Variants in MCM9 observed in about 807,000 individuals in gnomAD.
MCM9 encodes the protein minichromosome maintenance 9 homologous recombination repair factor, also known as DNA helicase MCM9.
A neutral mutation model predicts 72.8 loss-of-function variants in MCM9; 55 were observed. That is an observed-to-expected ratio of 0.76 (90% CI 0.61 to 0.95). MCM9 has a LOEUF of 0.95. MCM9 is among the 40% of genes least tolerant of loss of function. The pLI, the probability that MCM9 is intolerant of heterozygous loss-of-function variation, is 0.00. For synonymous variants in MCM9, 480 were observed against 503.4 expected, an observed-to-expected ratio of 0.95 and a Z score of 0.62; for missense variants, 1,279 against 1,377.0, an observed-to-expected ratio of 0.93 and a Z score of 1.13.
At chr6:118,858,796 T>C (rs558477503) in intron 8 of MCM9, among the ~76,000 whole-genome samples, 54 of 152,274 alleles carry the variant, frequency 3.5e-4, no homozygotes, top group African/African-American at 1.3e-3. Flanking sequence ...ATAAACTCTA[T>C]ATTCAAGATG....
At chr6:118,864,522 G>A (rs1777096591) in intron 8 of MCM9, among the ~76,000 whole-genome samples, 1 of 151,918 alleles carries the variant, frequency 6.6e-6, no homozygotes. Flanking sequence ...CCGAGAGAAA[G>A]TCAGGGACCA....
At chr6:118,911,049 A>T (rs973047130) in intron 8 of MCM9, 5 of 983,534 alleles carry the variant, frequency 5.1e-6, no homozygotes, top group African/African-American at 3.5e-5. Flanking sequence ...CATATTTTTT[A>T]AAATAATTTT....
In MCM9 at chr6:118,928,694, A is replaced by AG. The variant is rs1288762332; in HGVS notation, c.304+2725_304+2726insC. Among the ~76,000 whole-genome samples, 3 of 151,356 alleles carry AG rather than the reference A, an allele frequency of 2.0e-5. No homozygotes were observed. The East Asian group carries it at 5.9e-4, about 30-fold the overall frequency. On this transcript the variant is annotated intron_variant, in intron 3 of 13. Coordinates refer to ENST00000619706, the MANE Select transcript of MCM9 (RefSeq NM_017696.3). ...GACCCCACCTCTACAAAAAAAAAAAAAAATTTAAATAGCTGAGTGTGGTGG... is the reference window on the plus strand; with the variant it reads ...GACCCCACCTCTACAAAAAAAAAAAAGAAATTTAAATAGCTGAGTGTGGTGG...
At chr6:118,828,246 G>T in intron 10 of MCM9, 116 bp from the exon 11 acceptor site, 4 of 842,172 alleles carry the variant, frequency 4.7e-6, no homozygotes, top group Non-Finnish European at 7.3e-6. Flanking sequence ...ATGTTTTGTG[G>T]TTATTGAAAT....
chr6:118,867,888 T>TTTTC (rs1777326241), intron 8 of MCM9, among the ~76,000 whole-genome samples: 1 of 148,628 alleles, frequency 6.7e-6, no homozygotes, highest in African/African-American at 2.5e-5. Context: ...TCTTTTTCTT[T>TTTTC]TTTTTTGAGA....
intron 13 of MCM9, among the ~76,000 whole-genome samples, chr6:118,822,475 G>C (rs1773881905): frequency 6.6e-6 from 1 of 152,160 alleles, no homozygotes; most frequent in Admixed American, 6.5e-5. Context: ...ATTGCTGCCT[G>C]CTCCTTCCTC....
At chr6:118,880,193 C>A (rs546087603) in intron 8 of MCM9, among the ~76,000 whole-genome samples, 33 of 151,540 alleles carry the variant, frequency 2.2e-4, no homozygotes, top group Non-Finnish European at 4.0e-4. Flanking sequence ...TACAGGGAAT[C>A]GAAATTTTTA....
chr6:118,899,631 G>T (rs117680073), intron 8 of MCM9, among the ~76,000 whole-genome samples: 1 of 152,148 alleles, frequency 6.6e-6, no homozygotes, highest in African/African-American at 2.4e-5. Flanking sequence ...GAAAATGATT[G>T]CTGACTTAAT....
At chr6:118,903,888 G>A (rs77650503) in intron 8 of MCM9, among the ~76,000 whole-genome samples, 3 of 152,092 alleles carry the variant, frequency 2.0e-5, no homozygotes, top group Non-Finnish European at 2.9e-5. Flanking sequence ...TGCTCAGAGC[G>A]TGAAAAGATT....
chr6:118,841,660 T>C (rs1775374752), intron 9 of MCM9, among the ~76,000 whole-genome samples: 1 of 152,176 alleles, frequency 6.6e-6, no homozygotes, highest in Non-Finnish European at 1.5e-5. Flanking sequence ...CTAGGGCTGT[T>C]AGAATCACAG....
At chr6:118,864,535 T>G (rs946171086) in intron 8 of MCM9, among the ~76,000 whole-genome samples, 7 of 151,458 alleles carry the variant, frequency 4.6e-5, no homozygotes, top group Admixed American at 6.6e-5. Context: ...AGGGACCAGC[T>G]GAGAGACTCC....
intron 8 of MCM9, among the ~76,000 whole-genome samples, chr6:118,877,853 T>C (rs181270831): frequency 4.6e-5 from 7 of 152,242 alleles, no homozygotes; most frequent in Admixed American, 2.0e-4. Context: ...CGTGGAATAA[T>C]GCATAACAAT....
Position 118,856,388 on chromosome 6 carries a change from T to TA in MCM9, c.1307dup (p.Ser437LysfsTer4). The TA allele has an allele frequency of 6.5e-7, 1 of 1,535,146 alleles. No individual in the cohort carries two copies. The highest frequency in any genetic ancestry group is 2.4e-5 in the East Asian group (1 of 40,910). ...ACTCTTACCCAGCCTTAGCAACACT[T>TA]ATGGTTTGTTGCTCCATTGCTTCAT... On this transcript the variant is annotated frameshift_variant, in exon 9 of 14. Coordinates refer to ENST00000619706, the MANE Select transcript of MCM9 (RefSeq NM_017696.3). LOFTEE classifies it high-confidence loss of function.
chr6:118,878,865 T>C (rs1177259118), intron 8 of MCM9, among the ~76,000 whole-genome samples: 1 of 152,134 alleles, frequency 6.6e-6, no homozygotes, highest in African/African-American at 2.4e-5. Context: ...AAGACCAGCC[T>C]GGGCAACATG....
intron 8 of MCM9, among the ~76,000 whole-genome samples, chr6:118,885,944 G>A (rs1038211044): frequency 1.3e-5 from 2 of 151,916 alleles, no homozygotes; most frequent in Non-Finnish European, 2.9e-5. Flanking sequence ...CTAGCATTAT[G>A]TAGAAAGGAT....
chr6:118,927,653 T>A (rs1177663161), intron 3 of MCM9, among the ~76,000 whole-genome samples: 1 of 151,112 alleles, frequency 6.6e-6, no homozygotes, highest in Non-Finnish European at 1.5e-5. Flanking sequence ...AGATTTTCAA[T>A]GTGATGAAGT....
At chr6:118,891,044 T>G (rs1196736409) in intron 8 of MCM9, among the ~76,000 whole-genome samples, 1 of 152,220 alleles carries the variant, frequency 6.6e-6, no homozygotes, top group Non-Finnish European at 1.5e-5. Flanking sequence ...TTAATTCAAT[T>G]TTAGTATATT....
chr6:118,843,352 G>GGC (rs1775527470), intron 9 of MCM9, among the ~76,000 whole-genome samples: 11 of 151,764 alleles, frequency 7.2e-5, no homozygotes, highest in Non-Finnish European at 1.2e-4. Flanking sequence ...TCTCTGGCTG[G>GGC]GTGCAGTGGC....
At chr6:118,866,522 C>G (rs1777226785) in intron 8 of MCM9, among the ~76,000 whole-genome samples, 1 of 152,084 alleles carries the variant, frequency 6.6e-6, no homozygotes, top group South Asian at 2.1e-4. Flanking sequence ...AATCATATAT[C>G]TGAAGAGTAC....
Sources: gnomAD v4.1 joint callset for allele counts (sites outside exome capture counted in the v4.1 genomes callset) on GRCh38, gnomAD v4.1.1 for gene constraint, MANE v1.5 for transcripts, NCBI Gene and HGNC (gene_info 2026-07-23, HGNC 2026-07-21) for gene names.